PHACTR1: variants seen among roughly 807,000 people sequenced by gnomAD.
PHACTR1 encodes the protein phosphatase and actin regulator 1, also known as RPEL repeat containing 1.
A neutral mutation model predicts 69.2 loss-of-function variants in PHACTR1; 16 were observed. The ratio of observed to expected loss-of-function variants is 0.23; its 90% CI spans 0.16 to 0.35. PHACTR1 has a LOEUF of 0.35. PHACTR1 is among the 10% of genes least tolerant of loss of function. PHACTR1 has a pLI of 1.00. For synonymous variants in PHACTR1, 312 were observed against 284.5 expected, an observed-to-expected ratio of 1.10 and a Z score of -0.97; for missense variants, 510 against 734.7, an observed-to-expected ratio of 0.69 and a Z score of 3.54.
intron 4 of PHACTR1, among the ~76,000 whole-genome samples, chr6:12,971,441 G>A (rs1794185237): frequency 6.6e-6 from 1 of 152,200 alleles, no homozygotes; most frequent in Non-Finnish European, 1.5e-5. Context: ...AGTAATTACA[G>A]TTTTGCTGTC....
chr6:12,845,429 A>AACCC (rs1779124056), intron 4 of PHACTR1, among the ~76,000 whole-genome samples: 2 of 18,028 alleles, frequency 1.1e-4, no homozygotes, highest in Non-Finnish European at 2.0e-4. Flanking sequence ...AACACCACCC[A>AACCC]CCCCCCCCCC....
chr6:12,855,861 C>T (rs769465245), intron 4 of PHACTR1, among the ~76,000 whole-genome samples: 16 of 152,028 alleles, frequency 1.1e-4, no homozygotes, highest in Non-Finnish European at 1.5e-5. Context: ...GTCATAAGAA[C>T]AGTATTACCT....
chr6:13,201,400 A>G (rs936945483), intron 7 of PHACTR1, among the ~76,000 whole-genome samples: 1 of 152,206 alleles, frequency 6.6e-6, no homozygotes, highest in African/African-American at 2.4e-5. Context: ...TTATCGGGAA[A>G]TCCAGAGGCC....
chr6:13,272,446 T>C (rs1416245183), intron 10 of PHACTR1: 2 of 246,636 alleles, frequency 8.1e-6, no homozygotes, highest in Non-Finnish European at 1.6e-5. Flanking sequence ...TAACTGGGTC[T>C]GCACAGAAGA....
At chr6:12,845,799 C>T (rs571938502) in intron 4 of PHACTR1, among the ~76,000 whole-genome samples, 26 of 152,238 alleles carry the variant, frequency 1.7e-4, no homozygotes, top group South Asian at 6.2e-4. Flanking sequence ...ATTTGTCTCA[C>T]CAGAAGGCAG....
intron 3 of PHACTR1, among the ~76,000 whole-genome samples, chr6:12,742,063 A>G (rs1033759229): frequency 6.6e-6 from 1 of 152,122 alleles, no homozygotes; most frequent in South Asian, 2.1e-4. Flanking sequence ...TTTTGCTACT[A>G]TATAGAAAAA....
At chr6:12,780,601 A>C (rs1770694496) in intron 4 of PHACTR1, among the ~76,000 whole-genome samples, 1 of 152,162 alleles carries the variant, frequency 6.6e-6, no homozygotes, top group African/African-American at 2.4e-5. Context: ...CACATCGCTA[A>C]TACCTCTCTC....
At chr6:12,747,008 C>A (rs969507822) in intron 3 of PHACTR1, among the ~76,000 whole-genome samples, 2 of 152,190 alleles carry the variant, frequency 1.3e-5, no homozygotes, top group African/African-American at 4.8e-5. Context: ...GGTTTACAGC[C>A]TGTTAGTCCT....
chr6:13,008,013 C>A (rs985112074), intron 4 of PHACTR1, among the ~76,000 whole-genome samples: 1 of 152,012 alleles, frequency 6.6e-6, no homozygotes, highest in Non-Finnish European at 1.5e-5. Flanking sequence ...AAATAAAAAA[C>A]AAAACCCCAC....
chr6:13,091,931 G>A (rs190005089), intron 5 of PHACTR1, among the ~76,000 whole-genome samples: 1 of 152,238 alleles, frequency 6.6e-6, no homozygotes, highest in Admixed American at 6.5e-5. Flanking sequence ...CTGAGTAGCT[G>A]GGACTGCAGG....
chr6:12,910,666 G>A (rs962435898), intron 4 of PHACTR1, among the ~76,000 whole-genome samples: 1 of 152,280 alleles, frequency 6.6e-6, no homozygotes, highest in Non-Finnish European at 1.5e-5. Flanking sequence ...GTCCCCTTTT[G>A]TCAGTAATAG....
chr6:12,802,490 G>A (rs1032829571), intron 4 of PHACTR1, among the ~76,000 whole-genome samples: 1 of 152,028 alleles, frequency 6.6e-6, no homozygotes, highest in African/African-American at 2.4e-5. Context: ...TATCAGAAGA[G>A]GAGCAATTAG....
chr6:13,033,662 G>C (rs931833210), intron 4 of PHACTR1, among the ~76,000 whole-genome samples: 1 of 152,208 alleles, frequency 6.6e-6, no homozygotes, highest in African/African-American at 2.4e-5. Context: ...GATTCAATCT[G>C]TCAGAATTTT....
At chr6:13,040,028 A>T (rs567773586) in intron 4 of PHACTR1, among the ~76,000 whole-genome samples, 11 of 152,274 alleles carry the variant, frequency 7.2e-5, no homozygotes, top group African/African-American at 2.6e-4. Context: ...AATTCCTCTA[A>T]AAATAAGATA....
At chr6:13,163,835 A>G (rs2113573502) in intron 6 of PHACTR1, among the ~76,000 whole-genome samples, 1 of 152,336 alleles carries the variant, frequency 6.6e-6, no homozygotes, top group East Asian at 1.9e-4. Context: ...GATAGCACAT[A>G]TGAAATAGAA....
At chr6:13,174,094 C>G (rs1054073375) in intron 6 of PHACTR1, among the ~76,000 whole-genome samples, 4 of 152,252 alleles carry the variant, frequency 2.6e-5, no homozygotes, top group South Asian at 2.1e-4. Flanking sequence ...GACGAAGTCT[C>G]TATTTCAGCC....
chr6:13,115,794 G>A (rs1026399507), intron 5 of PHACTR1, among the ~76,000 whole-genome samples: 2 of 152,088 alleles, frequency 1.3e-5, no homozygotes, highest in Non-Finnish European at 2.9e-5. Context: ...TTGTGTCTGC[G>A]CTCACACAGA....
chr6:12,807,989 A>C (rs1774551154), intron 4 of PHACTR1, among the ~76,000 whole-genome samples: 1 of 152,258 alleles, frequency 6.6e-6, no homozygotes, highest in African/African-American at 2.4e-5. Context: ...GCAGATTTAC[A>C]GTCAGTAAGT....
intron 5 of PHACTR1, among the ~76,000 whole-genome samples, chr6:13,156,045 A>G (rs1254698977): frequency 6.6e-6 from 1 of 152,180 alleles, no homozygotes; most frequent in Non-Finnish European, 1.5e-5. Context: ...CATTATAATC[A>G]TTCTCACAAT....
Sources: gnomAD v4.1 joint callset for allele counts (sites outside exome capture counted in the v4.1 genomes callset) on GRCh38, gnomAD v4.1.1 for gene constraint, MANE v1.5 for transcripts, NCBI Gene and HGNC (gene_info 2026-07-23, HGNC 2026-07-21) for gene names.